KLHDC10: variants seen among roughly 807,000 people sequenced by gnomAD.
KLHDC10 encodes kelch domain containing 10, also known as kelch domain-containing protein 10.
A neutral mutation model predicts 56.1 loss-of-function variants in KLHDC10; 24 were observed. The ratio of observed to expected loss-of-function variants is 0.43; its 90% confidence interval spans 0.31 to 0.60. KLHDC10 has a LOEUF of 0.60. Ranked by LOEUF, KLHDC10 falls within the 20% of genes least tolerant of loss-of-function variation. KLHDC10 has a pLI of 0.11. For missense variants in KLHDC10, 349 were observed against 567.0 expected (o/e 0.62, Z 3.91); for synonymous variants, 188 against 207.1 (o/e 0.91, Z 0.79).
intron 2 of KLHDC10, among the ~76,000 whole-genome samples, chr7:130,101,979 A>AG: frequency 6.6e-6 from 1 of 150,396 alleles, no homozygotes; most frequent in Non-Finnish European, 1.5e-5. Flanking sequence ...TAAAAAAAAA[A>AG]AAAAAAAAAA....
chr7:130,125,873 A>G lies in KLHDC10; in HGVS notation c.873A>G (p.Ala291=), dbSNP rs369063939. 1.9e-6 allele frequency: 3 copies of G among 1,601,250 alleles called. No individual in the cohort carries two copies. Among genetic ancestry groups the G allele is most frequent in the Non-Finnish European group, 2.5e-6 (3 of 1,176,680 alleles). Residue 291 remains alanine, a synonymous_variant, in exon 7 of 10, where the codon GCA becomes GCG. Transcript: ENST00000335420. The stretch of plus-strand genomic sequence containing the variant: ...TCTTTTTTTTCTCCAAGATCCATGC[A>G]TACAACCTTGAAACGAATGCCTGGG... ...WTAYSLNKIH[A]YNLETNAWEE...
rs564532029 is a variant in KLHDC10 at position 130,080,887 on chromosome 7, C to T, written c.166+10078C>T. ...GATTTGCAACTACTCATTATCATTTCTTATTTTGTATTATGTGAGGCTTTG... is the reference window on the plus strand; with the variant it reads ...GATTTGCAACTACTCATTATCATTTTTTATTTTGTATTATGTGAGGCTTTG... On this transcript the variant is annotated intron_variant, in intron 1 of 9. Transcript: ENST00000335420. 9.9e-5 allele frequency among the ~76,000 whole-genome samples: 15 copies of T among 151,938 alleles called. 1 individual carries two copies. In the South Asian group the frequency reaches 2.1e-3, roughly 21 times the overall value.
At chr7:130,085,348 A>G (rs1400111277) in intron 1 of KLHDC10, among the ~76,000 whole-genome samples, 1 of 151,814 alleles carries the variant, frequency 6.6e-6, no homozygotes, top group Non-Finnish European at 1.5e-5. Context: ...AAAAAAAAAA[A>G]AAGAATATTT....
At chr7:130,071,165 G>C (rs1203475447) in intron 1 of KLHDC10, among the ~76,000 whole-genome samples, 1 of 152,170 alleles carries the variant, frequency 6.6e-6, no homozygotes, top group African/African-American at 2.4e-5. Flanking sequence ...CCTAGCTGTG[G>C]GAAATTATTT....
At chr7:130,109,376 C>T (rs950799102) in intron 2 of KLHDC10, among the ~76,000 whole-genome samples, 7 of 152,018 alleles carry the variant, frequency 4.6e-5, no homozygotes, top group Admixed American at 3.9e-4. Flanking sequence ...GAATGTGCCA[C>T]CATGCCTGGC....
intron 1 of KLHDC10, among the ~76,000 whole-genome samples, chr7:130,088,927 CT>C (rs1412068311): frequency 2.0e-5 from 3 of 152,112 alleles, no homozygotes; most frequent in African/African-American, 7.2e-5. Flanking sequence ...GCCATCGCCC[CT>C]GGCCTCAATT....
At chr7:130,073,140 G>A (rs773201021) in intron 1 of KLHDC10, among the ~76,000 whole-genome samples, 34 of 152,076 alleles carry the variant, frequency 2.2e-4, no homozygotes, top group Non-Finnish European at 4.1e-4. Flanking sequence ...AGTCCAAGGT[G>A]GGAGGATCAC....
At chr7:130,101,766 C>T (rs1046402328) in intron 2 of KLHDC10, among the ~76,000 whole-genome samples, 9 of 151,988 alleles carry the variant, frequency 5.9e-5, no homozygotes, top group Non-Finnish European at 1.2e-4. Flanking sequence ...GTCAGGAGAT[C>T]GAGACCATTC....
At chr7:130,096,033 A>C (rs1289509167) in intron 1 of KLHDC10, among the ~76,000 whole-genome samples, 2 of 152,162 alleles carry the variant, frequency 1.3e-5, no homozygotes, top group African/African-American at 2.4e-5. Flanking sequence ...CTTGTTTTGC[A>C]ATCTCAGGTC....
At chr7:130,107,118 A>G (rs1796018052) in intron 2 of KLHDC10, among the ~76,000 whole-genome samples, 1 of 151,920 alleles carries the variant, frequency 6.6e-6, no homozygotes, top group African/African-American at 2.4e-5. Flanking sequence ...ATTTATTGAT[A>G]AGAAACCAAT....
chr7:130,134,415 C>G lies in KLHDC10; in HGVS notation c.*3669C>G, dbSNP rs896938837. 1 of 152,200 alleles carries G rather than the reference C, an allele frequency of 6.6e-6. No homozygotes were observed. The highest frequency in any genetic ancestry group is 2.4e-5 in the African/African-American group (1 of 41,444). The allele number at this position is 152,200 out of a possible 1,614,324, so 9.4% of individuals were successfully genotyped here. A position where few individuals can be genotyped will look rare whatever the true frequency, so the allele number is the denominator to read the frequency against. ...AGCTCCAGGCCATCTCTCTAACCAC[C>G]AAAGAACTCTTAGTACCTACGGGAA... On this transcript the variant is annotated 3_prime_UTR_variant, in exon 10 of 10. Coordinates refer to ENST00000335420, the MANE Select transcript of KLHDC10 (RefSeq NM_014997.4).
Position 130,116,918 on chromosome 7 carries a change from G to A in KLHDC10, c.475+252G>A, listed in dbSNP as rs4731660. Among the ~76,000 whole-genome samples, 24,424 of 151,986 alleles carry A rather than the reference G, an allele frequency of 0.16. 2,344 individuals carry two copies. The highest frequency in any genetic ancestry group is 0.31 in the East Asian group (1,601 of 5,172). ...AAAATGGGATTAATAATATCTTAGAGGGTTCAATATAAAGTATCACGCAGT... is the reference window on the plus strand; with the variant it reads ...AAAATGGGATTAATAATATCTTAGAAGGTTCAATATAAAGTATCACGCAGT... On this transcript the variant is annotated intron_variant, in intron 3 of 9. Transcript: ENST00000335420. This position sits in a 1 kb window ranked among gnomAD's most constrained non-coding sequence, Gnocchi z 4.8.
intron 4 of KLHDC10, among the ~76,000 whole-genome samples, chr7:130,121,109 C>CT (rs59089969): frequency 0.12 from 18,060 of 150,490 alleles, 1,265 homozygotes; most frequent in East Asian, 0.31. Flanking sequence ...CCTTTCTTTT[C>CT]TTTTTTTTTC....
rs1796145042 is a variant in KLHDC10 at position 130,114,794 on chromosome 7, AGGT to A, written c.254-1650_254-1648del. ...GAAAAGGGTGGTGTGCACTAGACTT[AGGT>A]ATTTCCACAAGTAGGGATTGATGGG... is the stretch of plus-strand genomic sequence containing the variant. On this transcript the variant is annotated intron_variant, in intron 2 of 9. Transcript: ENST00000335420. Among the ~76,000 whole-genome samples, 11 of 152,098 alleles carry A rather than the reference AGGT, an allele frequency of 7.2e-5. No homozygotes were observed. In the South Asian group the frequency reaches 2.3e-3, roughly 32 times the overall value.
chr7:130,119,096 C>T (rs1341763322), intron 3 of KLHDC10, among the ~76,000 whole-genome samples: 1 of 151,582 alleles, frequency 6.6e-6, no homozygotes, highest in Non-Finnish European at 1.5e-5. Flanking sequence ...ATAGTCCCAG[C>T]TACCTGGACA....
At chr7:130,079,478 T>C (rs1795567584) in intron 1 of KLHDC10, among the ~76,000 whole-genome samples, 1 of 152,176 alleles carries the variant, frequency 6.6e-6, no homozygotes, top group Non-Finnish European at 1.5e-5. Context: ...TGATCTATTA[T>C]TGTGGTAGAT....
At chr7:130,085,457 G>C (rs7805980) in intron 1 of KLHDC10, among the ~76,000 whole-genome samples, 53,405 of 151,776 alleles carry the variant, frequency 0.35, 10,600 homozygotes, top group Non-Finnish European at 0.44. Flanking sequence ...AGACTGCTTG[G>C]TTTCATAAGA....
chr7:130,109,374 C>T (rs1796069004), intron 2 of KLHDC10, among the ~76,000 whole-genome samples: 2 of 151,922 alleles, frequency 1.3e-5, no homozygotes, highest in South Asian at 2.1e-4. Flanking sequence ...AGGAATGTGC[C>T]ACCATGCCTG....
intron 1 of KLHDC10, among the ~76,000 whole-genome samples, chr7:130,082,903 G>A (rs1242960210): frequency 3.3e-5 from 5 of 152,120 alleles, no homozygotes; most frequent in Non-Finnish European, 7.4e-5. Context: ...TTCCTAAAGA[G>A]CTCTTATTCT....
Sources: gnomAD v4.1 joint callset for allele counts (sites outside exome capture counted in the v4.1 genomes callset) on GRCh38, gnomAD v4.1.1 for gene constraint, Gnocchi (gnomAD v3.1) non-coding constraint, MANE v1.5 for transcripts, NCBI Gene and HGNC (gene_info 2026-07-23, HGNC 2026-07-21) for gene names.